Variants in PTPRN2 observed in about 807,000 individuals in gnomAD.
The protein encoded by PTPRN2 is receptor-type tyrosine-protein phosphatase N2.
A neutral mutation model predicts 118.8 loss-of-function variants in PTPRN2; 74 were observed. The ratio of observed to expected loss-of-function variants is 0.62; its 90% CI spans 0.52 to 0.76. PTPRN2 has a LOEUF of 0.76. Among genes scored for constraint, PTPRN2 ranks in the 30% least tolerant of loss-of-function variants. The pLI is 0.00. For missense variants in PTPRN2, 1,481 were observed against 1,394.4 expected (o/e 1.06, Z -0.99); for synonymous variants, 641 against 608.0 (o/e 1.05, Z -0.80).
At chr7:157,839,514 T>A (rs1000277512) in intron 12 of PTPRN2, among the ~76,000 whole-genome samples, 1 of 151,626 alleles carries the variant, frequency 6.6e-6, no homozygotes, top group African/African-American at 2.4e-5. Flanking sequence ...TATGTGTCTG[T>A]CTGTGTGTGT....
At chr7:157,599,048 C>T (rs1801511830) in intron 16 of PTPRN2, among the ~76,000 whole-genome samples, 1 of 150,812 alleles carries the variant, frequency 6.6e-6, no homozygotes, top group Non-Finnish European at 1.5e-5. Context: ...CTCACCCTGT[C>T]ATCCATGCTG....
intron 12 of PTPRN2, among the ~76,000 whole-genome samples, chr7:157,875,766 C>T (rs6971442): frequency 0.024 from 3,516 of 147,742 alleles, 110 homozygotes; most frequent in African/African-American, 0.081. Flanking sequence ...CAGGAGGGGC[C>T]GAGCCCCCAG....
At chr7:158,521,182 T>A (rs976558394) in intron 1 of PTPRN2, among the ~76,000 whole-genome samples, 1 of 152,234 alleles carries the variant, frequency 6.6e-6, no homozygotes, top group African/African-American at 2.4e-5. Flanking sequence ...TGTTATTTTA[T>A]ATTTTTTTCC....
chr7:157,594,898 G>A (rs902157971), intron 17 of PTPRN2, among the ~76,000 whole-genome samples: 2 of 152,184 alleles, frequency 1.3e-5, no homozygotes, highest in African/African-American at 2.4e-5. Flanking sequence ...TGCTGTGACC[G>A]CCATCATAAC....
intron 2 of PTPRN2, among the ~76,000 whole-genome samples, chr7:158,387,251 G>A (rs1811468890): frequency 6.6e-6 from 1 of 152,202 alleles, no homozygotes; most frequent in African/African-American, 2.4e-5. Context: ...ACCTTTCCAT[G>A]AAACTTTCAG....
At chr7:158,435,891 A>G (rs1008966113) in intron 2 of PTPRN2, among the ~76,000 whole-genome samples, 2 of 152,146 alleles carry the variant, frequency 1.3e-5, no homozygotes, top group Non-Finnish European at 2.9e-5. Flanking sequence ...AGACCCAGAG[A>G]GAAGAATGGT....
At chr7:158,170,031 T>C (rs1823397976) in intron 5 of PTPRN2, among the ~76,000 whole-genome samples, 1 of 152,216 alleles carries the variant, frequency 6.6e-6, no homozygotes, top group African/African-American at 2.4e-5. Flanking sequence ...TCTAAAGTGA[T>C]GTGACTATAG....
intron 2 of PTPRN2, among the ~76,000 whole-genome samples, chr7:158,419,502 C>T (rs1200417164): frequency 1.3e-5 from 2 of 151,904 alleles, no homozygotes; most frequent in African/African-American, 4.8e-5. Context: ...AGGTGCCCAG[C>T]TCCACAGACC....
intron 6 of PTPRN2, among the ~76,000 whole-genome samples, chr7:158,151,509 G>GTCT (rs1821138023): frequency 4.9e-5 from 1 of 20,408 alleles, no homozygotes; most frequent in Admixed American, 6.0e-4. Context: ...CCGCCTTTCT[G>GTCT]CTCCTCACCG....
chr7:157,753,393 C>T (rs1239278557), intron 12 of PTPRN2, among the ~76,000 whole-genome samples: 1 of 152,160 alleles, frequency 6.6e-6, no homozygotes. Context: ...GCAAGCTTTT[C>T]CCTTCCTGCC....
rs1406619856 is a variant in PTPRN2, at chr7:158,049,889, C to A, written c.1723+31409G>T. Reference sequence around the variant, plus strand: ...TTTTACTCCAACCTGGGCAACACAGCAAGATTCCATCTCAAAAAAAAAAAT... The same window carrying A: ...TTTTACTCCAACCTGGGCAACACAGAAAGATTCCATCTCAAAAAAAAAAAT... On this transcript the variant is annotated intron_variant, in intron 11 of 22. Transcript: ENST00000389418. Among the ~76,000 whole-genome samples the A allele has an allele frequency of 5.3e-5, 7 of 132,824 alleles. 1 individual carries two copies. The highest frequency in any genetic ancestry group is 2.1e-4 in the African/African-American group (7 of 32,900). The allele number at this position is 132,824 out of a possible 152,430, so 87.1% of individuals were successfully genotyped here. A position where few individuals can be genotyped will look rare whatever the true frequency, so the allele number is the denominator to read the frequency against.
intron 14 of PTPRN2, among the ~76,000 whole-genome samples, chr7:157,653,545 G>A (rs957994008): frequency 3.3e-5 from 5 of 152,224 alleles, no homozygotes; most frequent in Non-Finnish European, 5.9e-5. Context: ...TGTAGCTTCC[G>A]AGCCTAAAAG....
At chr7:158,077,960 G>A (rs575279474) in intron 11 of PTPRN2, among the ~76,000 whole-genome samples, 2 of 152,286 alleles carry the variant, frequency 1.3e-5, no homozygotes, top group African/African-American at 4.8e-5. Flanking sequence ...CTTTGTGGTA[G>A]AGTAAGTGCC....
At chr7:157,939,034 T>TA (rs1461405850) in intron 11 of PTPRN2, among the ~76,000 whole-genome samples, 21 of 152,052 alleles carry the variant, frequency 1.4e-4, no homozygotes, top group Non-Finnish European at 4.4e-5. Context: ...AATTCCGAAT[T>TA]ACAGTCAGAT....
At chr7:158,559,306 A>G (rs1363870490) in intron 1 of PTPRN2, among the ~76,000 whole-genome samples, 2 of 152,238 alleles carry the variant, frequency 1.3e-5, no homozygotes, top group Non-Finnish European at 1.5e-5. Context: ...TCCTACTCAT[A>G]CTTCTCAACA....
At chr7:158,251,735 C>T (rs528453968) in intron 3 of PTPRN2, among the ~76,000 whole-genome samples, 1,602 of 148,214 alleles carry the variant, frequency 0.011, 37 homozygotes, top group African/African-American at 0.037. Context: ...GTGTGGTGTG[C>T]ACAGGTGTGC....
At position 157,975,193 on chromosome 7, in the gene PTPRN2, C is replaced by T. The variant is rs369873187; in HGVS notation, c.1724-76456G>A. Among the ~76,000 whole-genome samples, 229 of 152,232 alleles carry T rather than the reference C, an allele frequency of 1.5e-3. 6 individuals carry two copies. The South Asian group carries it at 0.045, about 30-fold the overall frequency. ...GCCAACACTGCTGTCCACGCTGGGG[C>T]CCTCCAGTTCCTGCCAACACTGCTG... On this transcript the variant is annotated intron_variant, in intron 11 of 22. Coordinates refer to ENST00000389418, the MANE Select transcript of PTPRN2 (RefSeq NM_002847.5).
At chr7:158,541,510 C>G in intron 1 of PTPRN2, 2 of 1,352,178 alleles carry the variant, frequency 1.5e-6, no homozygotes, top group Non-Finnish European at 2.0e-6. Flanking sequence ...ACAAACATCA[C>G]TTCCACCCTG....
At chr7:158,411,532 C>A (rs934009988) in intron 2 of PTPRN2, among the ~76,000 whole-genome samples, 1 of 152,180 alleles carries the variant, frequency 6.6e-6, no homozygotes, top group Non-Finnish European at 1.5e-5. Context: ...TGCTGTCGTC[C>A]CGGGAACAGG....
Sources: gnomAD v4.1 joint callset for allele counts (sites outside exome capture counted in the v4.1 genomes callset) on GRCh38, gnomAD v4.1.1 for gene constraint, MANE v1.5 for transcripts, NCBI Gene and HGNC (gene_info 2026-07-23, HGNC 2026-07-21) for gene names.